Variants in SP2 observed in about 807,000 individuals in gnomAD.
SP2 encodes Sp2 transcription factor.
Under a neutral mutation model 50.1 loss-of-function variants are expected in SP2, and 9 were observed. That is an observed-to-expected ratio of 0.18 (90% CI 0.11 to 0.31). The LOEUF is 0.31. Ranked by LOEUF, SP2 falls within the 10% of genes least tolerant of loss-of-function variation. The pLI is 1.00. For synonymous variants in SP2, 313 were observed against 326.6 expected (o/e 0.96, Z 0.45); for missense variants, 581 against 806.5 (o/e 0.72, Z 3.39).
Position 47,916,469 on chromosome 17 carries a change from A to C in SP2, c.398A>C (p.Gln133Pro), listed in dbSNP as rs746404445. The change falls in exon 3 of 7, where the codon CAG becomes CCG. Residue 133 changes from glutamine (Q) to proline (P), a missense_variant. Physicochemically the swap from Gln to Pro is moderately conservative, Grantham distance 76. Coordinates refer to ENST00000376741, the MANE Select transcript of SP2 (RefSeq NM_003110.6). The surrounding 1 kb of genome is among the most constrained non-coding windows in gnomAD (Gnocchi z 4.7). ...GTRSNANIQY[Q>P]AVPQIQASNS... The stretch of plus-strand genomic sequence containing the variant: ...CGATCAAATGCCAATATCCAGTACC[A>C]GGCGGTCCCTCAGATTCAGGCAAGC... 7.5e-5 allele frequency: 121 copies of C among 1,614,018 alleles called. No homozygotes were observed. The highest frequency in any genetic ancestry group is 9.4e-5 in the Non-Finnish European group (111 of 1,180,024).
intron 3 of SP2, 103 bp from the exon 4 acceptor site, chr17:47,922,859 T>C (rs2035512125): frequency 1.0e-6 from 1 of 984,934 alleles, no homozygotes; most frequent in Non-Finnish European, 1.5e-6. Flanking sequence ...AAGAGACTTT[T>C]AGTGGACAGG....
At chr17:47,913,914 A>G (rs2035087298) in intron 1 of SP2, among the ~76,000 whole-genome samples, 1 of 152,236 alleles carries the variant, frequency 6.6e-6, no homozygotes, top group African/African-American at 2.4e-5. Flanking sequence ...CTATTTGATT[A>G]TATTCATATA....
In SP2 at chr17:47,896,692, T is replaced by G. The variant is rs138575974; in HGVS notation, c.7+399T>G. Among the ~76,000 whole-genome samples the G allele has an allele frequency of 3.6e-3, 541 of 152,320 alleles. 4 individuals are homozygous for G. The highest frequency in any genetic ancestry group is 0.014 in the Middle Eastern group (4 of 294). On this transcript the variant is annotated intron_variant, in intron 1 of 6. Coordinates refer to ENST00000376741, the MANE Select transcript of SP2 (RefSeq NM_003110.6). ...CTGAGGAGGCAGCCAACAGCCCTTG[T>G]GTTCGCCCCGTGTCTGAGAGGCCTT...
chr17:47,926,101 G>C (rs1312650698), intron 6 of SP2, among the ~76,000 whole-genome samples: 2 of 150,772 alleles, frequency 1.3e-5, no homozygotes, highest in Non-Finnish European at 3.0e-5. Flanking sequence ...ATTTTTAGTA[G>C]AGACGGGGTT....
intron 1 of SP2, among the ~76,000 whole-genome samples, chr17:47,900,818 G>A (rs146116578): frequency 1.3e-5 from 2 of 152,278 alleles, no homozygotes; most frequent in African/African-American, 4.8e-5. Flanking sequence ...GATAAATGTG[G>A]GGAGTGACTC....
chr17:47,925,314 A>G (rs372981265), intron 5 of SP2, 34 bp from the exon 6 acceptor site: 3 of 1,585,300 alleles, frequency 1.9e-6, no homozygotes, highest in East Asian at 2.2e-5. Context: ...TCCTCTTCCT[A>G]TTCCCTCCAC....
chr17:47,900,529 C>CA (rs1157885143), intron 1 of SP2, among the ~76,000 whole-genome samples: 1 of 152,230 alleles, frequency 6.6e-6, no homozygotes, highest in East Asian at 1.9e-4. Context: ...GTAATCCCAG[C>CA]ACTTTGGGAG....
chr17:47,929,119 C>T (rs1023173334), downstream of SP2, among the ~76,000 whole-genome samples: 1 of 152,250 alleles, frequency 6.6e-6, no homozygotes, highest in Non-Finnish European at 1.5e-5. Context: ...AAAGGGGCCG[C>T]GGCCACATAT....
At chr17:47,925,672 A>G in intron 6 of SP2, 131 bp downstream of exon 6, 7 of 674,642 alleles carry the variant, frequency 1.0e-5, no homozygotes. Context: ...GCTACAGACT[A>G]TCTAGGGACG....
chr17:47,920,265 G>T (rs992719127), intron 3 of SP2, among the ~76,000 whole-genome samples: 1 of 150,618 alleles, frequency 6.6e-6, no homozygotes, highest in East Asian at 2.0e-4. Context: ...ACAGATACCC[G>T]CCTCTGCGCC....
At chr17:47,918,572 C>G (rs2035308065) in intron 3 of SP2, 1 of 152,122 alleles carries the variant, frequency 6.6e-6, no homozygotes, top group Admixed American at 6.6e-5. Flanking sequence ...CAGGTCTTCC[C>G]TAAGGAAATA....
At chr17:47,911,787 A>T (rs1319207675) in intron 1 of SP2, among the ~76,000 whole-genome samples, 1 of 151,610 alleles carries the variant, frequency 6.6e-6, no homozygotes, top group African/African-American at 2.4e-5. Context: ...CCTGGGCGAC[A>T]GAGCGAGACT....
At chr17:47,913,372 G>A (rs907660946) in intron 1 of SP2, among the ~76,000 whole-genome samples, 10 of 151,990 alleles carry the variant, frequency 6.6e-5, no homozygotes, top group African/African-American at 2.4e-4. Context: ...TGCATCCTGA[G>A]CCTTTTTGTC....
At chr17:47,926,211 C>G (rs545344141) in intron 6 of SP2, among the ~76,000 whole-genome samples, 10 of 151,848 alleles carry the variant, frequency 6.6e-5, no homozygotes, top group African/African-American at 2.2e-4. Flanking sequence ...GCCACTGCGC[C>G]GGCCTGTTGA....
At position 47,915,324 on chromosome 17, in the gene SP2, G is replaced by C; in HGVS notation, c.20G>C (p.Ser7Thr). 6.2e-7 allele frequency: 1 copy of C among 1,612,164 alleles called. No homozygotes were observed. The highest frequency in any genetic ancestry group is 8.5e-7 in the Non-Finnish European group (1 of 1,178,922). MSDPQTSMAATAAVSPS... is the reference protein window; with the variant it reads MSDPQTTMAATAAVSPS... The stretch of plus-strand genomic sequence containing the variant: ...TTTCTTCCAACAGATCCACAGACCA[G>C]CATGGCTGCCACTGCTGCTGTGAGT... Residue 7 changes from serine (S) to threonine (T), a missense_variant, in exon 2 of 7, where the codon AGC (serine) becomes ACC (threonine). Coordinates refer to ENST00000376741, the MANE Select transcript of SP2 (RefSeq NM_003110.6).
chr17:47,926,233 CT>C (rs2035645524), intron 6 of SP2, among the ~76,000 whole-genome samples: 1 of 151,734 alleles, frequency 6.6e-6, no homozygotes, highest in South Asian at 2.1e-4. Context: ...GCCCATTTTA[CT>C]GAGGCATGGA....
At chr17:47,919,579 C>T (rs2035352345) in intron 3 of SP2, among the ~76,000 whole-genome samples, 1 of 151,864 alleles carries the variant, frequency 6.6e-6, no homozygotes, top group South Asian at 2.1e-4. Context: ...GTGTAAATTG[C>T]CACCATGATC....
intron 4 of SP2, among the ~76,000 whole-genome samples, chr17:47,924,691 G>T (rs2035580454): frequency 6.6e-6 from 1 of 152,176 alleles, no homozygotes; most frequent in Non-Finnish European, 1.5e-5. Flanking sequence ...ATGTTATTGA[G>T]CCTCAGTTTC....
chr17:47,914,595 A>C (rs2035116038), intron 1 of SP2: 1 of 152,350 alleles, frequency 6.6e-6, no homozygotes, highest in African/African-American at 2.4e-5. Context: ...TTAGCTGGGG[A>C]GCTCCCCCCT....
Sources: allele counts gnomAD v4.1 joint callset (sites outside exome capture counted in the v4.1 genomes callset), GRCh38; gene constraint gnomAD v4.1.1; non-coding constraint Gnocchi (gnomAD v3.1); transcripts MANE v1.5; gene names NCBI Gene and HGNC (gene_info 2026-07-23, HGNC 2026-07-21).